The following DIAPH3 variants were observed in gnomAD, a reference collection of about 807,000 sequenced individuals.
DIAPH3 encodes diaphanous related formin 3, also known as protein diaphanous homolog 3.
DIAPH3 carries 117 observed loss-of-function variants against 144.3 expected under a neutral mutation model. The ratio of observed to expected loss-of-function variants is 0.81; its 90% CI spans 0.70 to 0.95. The LOEUF (loss-of-function observed/expected upper bound fraction) is 0.95, where lower values mean the gene tolerates loss of function less well. Ranked by LOEUF, DIAPH3 falls within the 40% of genes least tolerant of loss-of-function variation. The probability of loss-of-function intolerance (pLI) is 0.00; values close to 1 mark genes in which losing one functional copy is unlikely to be tolerated. For synonymous variants in DIAPH3, 519 were observed against 488.9 expected (o/e 1.06, Z -0.81); for missense variants, 1,421 against 1,412.7 (o/e 1.01, Z -0.09).
chr13:59,857,419 CAT>C (rs564552795), intron 22 of DIAPH3, among the ~76,000 whole-genome samples: 15 of 152,140 alleles, frequency 9.9e-5, no homozygotes, highest in African/African-American at 3.4e-4. Context: ...TAGCTAAAAA[CAT>C]ATAAACAGAG....
chr13:59,852,393 T>A (rs973274260), intron 22 of DIAPH3, among the ~76,000 whole-genome samples: 2 of 152,188 alleles, frequency 1.3e-5, no homozygotes, highest in African/African-American at 2.4e-5. Flanking sequence ...AATGAAAAAA[T>A]TTCTTTTTTA....
intron 25 of DIAPH3, among the ~76,000 whole-genome samples, chr13:59,776,112 A>G (rs2038401100): frequency 1.3e-5 from 2 of 152,162 alleles, no homozygotes; most frequent in South Asian, 4.1e-4. Flanking sequence ...TCGAACTTTT[A>G]TTTTTTCCTT....
intron 4 of DIAPH3, among the ~76,000 whole-genome samples, chr13:60,061,601 C>T (rs2056774758): frequency 6.6e-6 from 1 of 150,672 alleles, no homozygotes; most frequent in African/African-American, 2.4e-5. Flanking sequence ...ACAAAACATG[C>T]CCCTCCCCCC....
In DIAPH3 at chr13:59,990,996, C is replaced by T. The variant is rs182890; in HGVS notation, c.1361+162G>A. ...AGTAATAGTAATATCATTTTACCAT[C>T]GTCTACCTAAATATATGCCCAGAGA... On this transcript the variant is annotated intron_variant, in intron 12 of 27. Coordinates refer to ENST00000400324, the MANE Select transcript of DIAPH3 (RefSeq NM_001042517.2). Among the ~76,000 whole-genome samples the T allele has an allele frequency of 0.56, 84,379 of 151,676 alleles. 24,006 individuals carry two copies. The highest frequency in any genetic ancestry group is 0.61 in the Admixed American group (9,221 of 15,218).
At chr13:59,706,139 C>T (rs984882302) in intron 27 of DIAPH3, among the ~76,000 whole-genome samples, 3 of 152,040 alleles carry the variant, frequency 2.0e-5, no homozygotes, top group Non-Finnish European at 2.9e-5. Flanking sequence ...AGATTTACTT[C>T]TAACACCTAA....
intron 5 of DIAPH3, among the ~76,000 whole-genome samples, chr13:60,026,295 T>C (rs1479346487): frequency 2.6e-5 from 4 of 152,104 alleles, no homozygotes; most frequent in African/African-American, 7.2e-5. Context: ...ACTTTTTCTA[T>C]GAAAACTAAG....
chr13:60,081,961 G>A (rs985313796), intron 4 of DIAPH3, among the ~76,000 whole-genome samples: 2 of 151,896 alleles, frequency 1.3e-5, no homozygotes, highest in African/African-American at 2.4e-5. Flanking sequence ...AGTGCTGAAA[G>A]TGAAATCAAA....
chr13:59,721,992 A>T (rs1394410771), intron 27 of DIAPH3, among the ~76,000 whole-genome samples: 2 of 152,234 alleles, frequency 1.3e-5, no homozygotes, highest in Admixed American at 6.5e-5. Flanking sequence ...CAGCAAAAGC[A>T]AGATAAAAGC....
intron 15 of DIAPH3, among the ~76,000 whole-genome samples, chr13:59,974,035 G>C (rs1422918571): frequency 6.6e-6 from 1 of 152,018 alleles, no homozygotes; most frequent in Non-Finnish European, 1.5e-5. Flanking sequence ...CTTGTAGTGG[G>C]ATAAAGATCA....
chr13:60,088,235 A>G lies in DIAPH3; in HGVS notation c.495+5393T>C, dbSNP rs997367043. ...AAGCAAATGTTCATCTCTACTAAGTATTCTTGGAGACACAATAAACACACT... is the reference window on the plus strand; with the variant it reads ...AAGCAAATGTTCATCTCTACTAAGTGTTCTTGGAGACACAATAAACACACT... On this transcript the variant is annotated intron_variant, in intron 4 of 27. Coordinates refer to ENST00000400324, the MANE Select transcript of DIAPH3 (RefSeq NM_001042517.2). 2.6e-4 allele frequency among the ~76,000 whole-genome samples: 39 copies of G among 152,194 alleles called. 1 individual carries two copies. Among genetic ancestry groups the G allele is most frequent in the Middle Eastern group, 3.4e-3 (1 of 294 alleles).
rs547499143 is a variant in DIAPH3 at position 59,676,213 on chromosome 13, T to A, written c.3320-9367A>T. 5.3e-5 allele frequency among the ~76,000 whole-genome samples: 8 copies of A among 152,338 alleles called. 1 individual carries two copies. The highest frequency in any genetic ancestry group is 1.9e-4 in the African/African-American group (8 of 41,586). On this transcript the variant is annotated intron_variant, in intron 27 of 27. Transcript: ENST00000400324. ...ATGCTCGAATTACATTTAGTTAGCATCCTATCAAGTAGCTATCCAGACTCA... is the reference window on the plus strand; with the variant it reads ...ATGCTCGAATTACATTTAGTTAGCAACCTATCAAGTAGCTATCCAGACTCA...
intron 24 of DIAPH3, among the ~76,000 whole-genome samples, chr13:59,827,535 T>C (rs997387056): frequency 6.6e-6 from 1 of 152,018 alleles, no homozygotes; most frequent in South Asian, 2.1e-4. Context: ...AGATGTCAGA[T>C]GAAATTTGCT....
At chr13:59,836,013 A>G (rs1476647600) in intron 23 of DIAPH3, among the ~76,000 whole-genome samples, 2 of 151,910 alleles carry the variant, frequency 1.3e-5, no homozygotes, top group East Asian at 3.9e-4. Flanking sequence ...TCAATGAACA[A>G]ATTTAAAGAA....
At chr13:60,083,706 T>C (rs947678820) in intron 4 of DIAPH3, among the ~76,000 whole-genome samples, 1 of 151,988 alleles carries the variant, frequency 6.6e-6, no homozygotes, top group East Asian at 1.9e-4. Flanking sequence ...TCAACAGTGA[T>C]TGGACAGAAT....
intron 3 of DIAPH3, among the ~76,000 whole-genome samples, chr13:60,096,171 C>T (rs1221786681): frequency 2.0e-5 from 3 of 152,104 alleles, no homozygotes; most frequent in South Asian, 2.1e-4. Flanking sequence ...TGTTATAAAA[C>T]GTGGGGCAAT....
At chr13:59,929,554 CTTTTTTTTTTTTTT>C (rs1167902415) in intron 17 of DIAPH3, among the ~76,000 whole-genome samples, 6 of 56,090 alleles carry the variant, frequency 1.1e-4, no homozygotes, top group Admixed American at 2.0e-4. Flanking sequence ...AAATTTTGTT[CTTTTTTTTTTTTTT>C]TTTTTTTTTT....
At chr13:59,797,494 C>A (rs1413878846) in intron 25 of DIAPH3, among the ~76,000 whole-genome samples, 10 of 152,084 alleles carry the variant, frequency 6.6e-5, no homozygotes. Flanking sequence ...GTCACAAAAG[C>A]AAATCACACA....
At position 59,955,179 on chromosome 13, in the gene DIAPH3, A is replaced by G. The variant is rs1459365775; in HGVS notation, c.2074+14765T>C. ...TTTTATATATGAAAAATTCTATTAT[A>G]AAACTATTACTACTGATATGCTTTG... On this transcript the variant is annotated intron_variant, in intron 17 of 27. Coordinates refer to ENST00000400324, the MANE Select transcript of DIAPH3 (RefSeq NM_001042517.2). Among the ~76,000 whole-genome samples, 4 of 151,812 alleles carry G rather than the reference A, an allele frequency of 2.6e-5. No homozygotes were observed. In the East Asian group the frequency reaches 7.7e-4, roughly 29 times the overall value.
rs562725685 is a variant in DIAPH3, at chr13:59,894,623, T to C, written c.2368-15155A>G. Among the ~76,000 whole-genome samples, 3 of 120,528 alleles carry C rather than the reference T, an allele frequency of 2.5e-5. No individual in the cohort carries two copies. The South Asian group carries it at 7.9e-4, about 32-fold the overall frequency. 79.1% of individuals were successfully genotyped at this position (120,528 alleles called of 152,430 possible). On this transcript the variant is annotated intron_variant, in intron 20 of 27. Coordinates refer to ENST00000400324, the MANE Select transcript of DIAPH3 (RefSeq NM_001042517.2). ...AATAGAATGAGAATAGAACAGACAA[T>C]TGAGCAGTAAAGAAAAAGATTGTCA...
Sources: allele counts gnomAD v4.1 joint callset (sites outside exome capture counted in the v4.1 genomes callset), GRCh38; gene constraint gnomAD v4.1.1; transcripts MANE v1.5; gene names NCBI Gene and HGNC (gene_info 2026-07-23, HGNC 2026-07-21).